Variants in BTBD2 observed in about 807,000 individuals in gnomAD.
BTBD2 encodes BTB domain containing 2.
A neutral mutation model predicts 44.0 loss-of-function variants in BTBD2; 15 were observed. That is an observed-to-expected ratio of 0.34 (90% CI 0.23 to 0.53). BTBD2 has a LOEUF of 0.53. Ranked by LOEUF, BTBD2 falls within the 20% of genes least tolerant of loss-of-function variation. The pLI, the probability that BTBD2 is intolerant of heterozygous loss-of-function variation, is 0.95. For synonymous variants in BTBD2, 443 were observed against 335.9 expected, an observed-to-expected ratio of 1.32 and a Z score of -3.49; for missense variants, 657 against 746.4, an observed-to-expected ratio of 0.88 and a Z score of 1.39.
intron 1 of BTBD2, among the ~76,000 whole-genome samples, chr19:2,002,070 T>C (rs1313762215): frequency 6.6e-6 from 1 of 152,044 alleles, no homozygotes; most frequent in Non-Finnish European, 1.5e-5. Flanking sequence ...CTTTCATTTA[T>C]TTTTATTTCA....
rs2016079700 is a variant in BTBD2, at chr19:1,986,294, C to G, written c.*194G>C. 5 of 680,808 alleles carry G rather than the reference C, an allele frequency of 7.3e-6. No homozygotes were observed. The highest frequency in any genetic ancestry group is 2.8e-5 in the East Asian group (1 of 35,802). The allele number at this position is 680,808 out of a possible 1,614,324, so 42.2% of individuals were successfully genotyped here. On this transcript the variant is annotated 3_prime_UTR_variant, in exon 9 of 9. Transcript: ENST00000255608. ...CTGGCCTGGCCACCTCCCCGGCTGCCCTGATCCAGCAGCCACACTCGTGGT... is the reference window on the plus strand; with the variant it reads ...CTGGCCTGGCCACCTCCCCGGCTGCGCTGATCCAGCAGCCACACTCGTGGT...
chr19:2,005,097 G>C (rs920349335), intron 1 of BTBD2, among the ~76,000 whole-genome samples: 1 of 152,126 alleles, frequency 6.6e-6, no homozygotes, highest in Admixed American at 6.6e-5. Context: ...TGGGATTACA[G>C]GCGTGAGCCA....
intron 1 of BTBD2, chr19:2,013,709 G>A: frequency 1.0e-6 from 1 of 983,582 alleles, no homozygotes; most frequent in Non-Finnish European, 1.2e-6. Flanking sequence ...AGGGCGGGCA[G>A]GGGGTATCCC....
chr19:1,986,053 G>A lies in BTBD2; in HGVS notation c.*435C>T, dbSNP rs1349492552. 1.1e-5 allele frequency: 2 copies of A among 179,396 alleles called. No homozygotes were observed. The highest frequency in any genetic ancestry group is 5.6e-5 in the Admixed American group (1 of 17,742). The allele number at this position is 179,396 out of a possible 1,614,324, so 11.1% of individuals were successfully genotyped here. A position where few individuals can be genotyped will look rare whatever the true frequency, so the allele number is the denominator to read the frequency against. On this transcript the variant is annotated 3_prime_UTR_variant, in exon 9 of 9. Transcript: ENST00000255608. ...AGGAACGCAAGGTCTGGGACCCACG[G>A]CTCTGGGAGCAGCGCCACCCAGGCT...
At chr19:1,986,733 C>T in intron 8 of BTBD2, 84 bp from the exon 9 acceptor site, 2 of 1,579,986 alleles carry the variant, frequency 1.3e-6, no homozygotes, top group African/African-American at 1.3e-5. Context: ...CCCGACTGGG[C>T]CAGGGTGGCT....
At chr19:2,000,955 C>T (rs953576821) in intron 1 of BTBD2, among the ~76,000 whole-genome samples, 2 of 152,072 alleles carry the variant, frequency 1.3e-5, no homozygotes, top group African/African-American at 4.8e-5. Context: ...GTGATCCACT[C>T]CTAGGAGGTC....
At position 2,000,961 on chromosome 19, in the gene BTBD2, A is replaced by T. The variant is rs1482277223; in HGVS notation, c.408-3498T>A. On this transcript the variant is annotated intron_variant, in intron 1 of 8. Coordinates refer to ENST00000255608, the MANE Select transcript of BTBD2 (RefSeq NM_017797.4). ...AAATCCTGTGTGATCCACTCCTAGG[A>T]GGTCCCCAGAGTCCTCAGATTCAGA... 2.0e-5 allele frequency among the ~76,000 whole-genome samples: 3 copies of T among 152,170 alleles called. No homozygotes were observed. The East Asian group carries it at 5.8e-4, about 29-fold the overall frequency.
chr19:1,994,775 A>G (rs181920096), intron 2 of BTBD2, among the ~76,000 whole-genome samples: 94 of 152,208 alleles, frequency 6.2e-4, no homozygotes, highest in African/African-American at 2.2e-3. Context: ...TGAAAAAATA[A>G]AAAAATATTT....
At chr19:1,987,973 G>C (rs2016116844) in intron 5 of BTBD2, 1 of 436,860 alleles carries the variant, frequency 2.3e-6, no homozygotes, top group Non-Finnish European at 4.1e-6. Flanking sequence ...GATGTCTCAG[G>C]GTCTGGCCCC....
At position 1,987,659 on chromosome 19, in the gene BTBD2, T is replaced by C. The variant is rs2016110882; in HGVS notation, c.1022A>G (p.Glu341Gly). The C allele has an allele frequency of 6.2e-7, 1 of 1,609,392 alleles. No homozygotes were observed. The highest frequency in any genetic ancestry group is 1.3e-5 in the African/African-American group (1 of 74,790). The change falls in exon 6 of 9, where the codon GAG becomes GGG. Residue 341 changes from glutamate to glycine, a missense_variant. Around this residue, in one of 3 missense-constraint regions of BTBD2, gnomAD observed 449 missense variants for 510.9 expected, o/e 0.88. Coordinates refer to ENST00000255608, the MANE Select transcript of BTBD2 (RefSeq NM_017797.4). ...GAAGTGCAGGAAGAGGCTGACCACC[T>C]CGCGGTCCACCAGGATGCCCGACTG... is the stretch of plus-strand genomic sequence containing the variant. ...PAQSGILVDR[E>G]VVSLFLHFTV...
Position 2,015,422 on chromosome 19 carries a change from G to A in BTBD2, c.282C>T (p.Tyr94=). 6.5e-7 allele frequency: 1 copy of A among 1,532,272 alleles called. No individual in the cohort carries two copies. The allele number at this position is 1,532,272 out of a possible 1,614,324, so 94.9% of individuals were successfully genotyped here. Residue 94 remains tyrosine, a synonymous_variant, in exon 1 of 9, where the codon TAC becomes TAT. Transcript: ENST00000255608. The part of the protein sequence containing the change: ...GAAALQREAA[Y]NWQASKPTVQ... ...CGGTGGGCTTGCTGGCCTGCCAGTT[G>A]TACGCGGCCTCGCGCTGCAGCGCCG...
rs7254820 is a variant in BTBD2, at chr19:1,986,456, A to G, written c.*32T>C. The G allele has an allele frequency of 0.31, 499,784 of 1,607,936 alleles. 80,898 individuals are homozygous for G. Among genetic ancestry groups the G allele is most frequent in the East Asian group, 0.55 (24,765 of 44,760 alleles). On this transcript the variant is annotated 3_prime_UTR_variant, in exon 9 of 9. Transcript: ENST00000255608. ...ATGGCCTGGGGCTGCGGCTATCCCC[A>G]CGGAGGGAGGGCGGTGTCGGTGTCG...
chr19:2,004,137 G>GA (rs1180778605), intron 1 of BTBD2, among the ~76,000 whole-genome samples: 1 of 152,004 alleles, frequency 6.6e-6, no homozygotes, highest in East Asian at 1.9e-4. Context: ...TTTCTGGACT[G>GA]AACCAATGTT....
At position 1,997,451 on chromosome 19, in the gene BTBD2, G is replaced by A. The variant is rs749219337; in HGVS notation, c.420C>T (p.Ala140=). The A allele has an allele frequency of 1.9e-5, 30 of 1,613,958 alleles. No individual in the cohort carries two copies. The highest frequency in any genetic ancestry group is 2.2e-5 in the East Asian group (1 of 44,890). ...QRIPAHRFVL[A]VGSAVFDAMF... ...TGGCATCAAAGACGGCGCTGCCCAC[G>A]GCCAGCACGAACCTGGTACGGGAGA... The change falls in exon 2 of 9, where the codon GCC becomes GCT. Residue 140 remains alanine, a synonymous_variant. Coordinates refer to ENST00000255608, the MANE Select transcript of BTBD2 (RefSeq NM_017797.4).
intron 4 of BTBD2, 179 bp from the exon 5 acceptor site, chr19:1,990,380 CCTT>C (rs756668557): frequency 3.6e-5 from 24 of 674,708 alleles, no homozygotes; most frequent in Non-Finnish European, 5.2e-5. Flanking sequence ...AGACCACGCC[CCTT>C]CATTTTCCTC....
intron 2 of BTBD2, 122 bp downstream of exon 2, chr19:1,997,222 G>A: frequency 6.9e-7 from 1 of 1,445,796 alleles, no homozygotes; most frequent in Non-Finnish European, 9.4e-7. Flanking sequence ...TCATTGCACA[G>A]GAACGTTCTA....
At chr19:1,994,513 C>T (rs1441570236) in intron 2 of BTBD2, among the ~76,000 whole-genome samples, 1 of 151,984 alleles carries the variant, frequency 6.6e-6, no homozygotes, top group African/African-American at 2.4e-5. Context: ...GTAATCCCAG[C>T]ACTTTGGGAG....
At chr19:2,004,846 G>A (rs1313473952) in intron 1 of BTBD2, among the ~76,000 whole-genome samples, 2 of 151,660 alleles carry the variant, frequency 1.3e-5, no homozygotes, top group South Asian at 2.1e-4. Context: ...TTTTTAGATG[G>A]AGTCTTGCTC....
At chr19:1,993,837 A>T (rs916767226) in intron 2 of BTBD2, among the ~76,000 whole-genome samples, 4 of 150,916 alleles carry the variant, frequency 2.7e-5, no homozygotes, top group Non-Finnish European at 5.9e-5. Flanking sequence ...TCTCTACTAA[A>T]AATACAAAAA....
Sources: gnomAD v4.1 joint callset for allele counts (sites outside exome capture counted in the v4.1 genomes callset) on GRCh38, gnomAD v4.1.1 for gene constraint, gnomAD v4.1.1 regional missense constraint, MANE v1.5 for transcripts, NCBI Gene and HGNC (gene_info 2026-07-23, HGNC 2026-07-21) for gene names.